Variants in PLPP4 observed in about 807,000 individuals in gnomAD.
The protein encoded by PLPP4 is phospholipid phosphatase 4.
PLPP4 carries 20 observed loss-of-function variants against 32.2 expected under a neutral mutation model. That is an observed-to-expected ratio of 0.62 (90% CI 0.44 to 0.90). The LOEUF (loss-of-function observed/expected upper bound fraction) is 0.90, where lower values mean the gene tolerates loss of function less well. Among genes scored for constraint, PLPP4 ranks in the 40% least tolerant of loss-of-function variants. The probability of loss-of-function intolerance (pLI) is 0.00; values close to 1 mark genes in which losing one functional copy is unlikely to be tolerated. For missense variants in PLPP4, 257 were observed against 353.1 expected (o/e 0.73, Z 2.18); for synonymous variants, 127 against 133.0 (o/e 0.95, Z 0.31).
chr10:120,488,919 C>G (rs1184627408), intron 1 of PLPP4, among the ~76,000 whole-genome samples: 1 of 152,208 alleles, frequency 6.6e-6, no homozygotes, highest in Non-Finnish European at 1.5e-5. Context: ...GCTTCCCTCT[C>G]TGGAAATTGG....
At chr10:120,463,175 C>A (rs548189481) in intron 1 of PLPP4, among the ~76,000 whole-genome samples, 1 of 151,794 alleles carries the variant, frequency 6.6e-6, no homozygotes, top group Non-Finnish European at 1.5e-5. Flanking sequence ...TACAGGTGCC[C>A]GCCACCACGC....
At chr10:120,474,758 A>C (rs756731429) in intron 1 of PLPP4, among the ~76,000 whole-genome samples, 4 of 152,252 alleles carry the variant, frequency 2.6e-5, no homozygotes, top group Non-Finnish European at 5.9e-5. Flanking sequence ...TGATGAGAAC[A>C]ATGATAGTAA....
At chr10:120,563,178 G>A (rs1185097847) in intron 5 of PLPP4, among the ~76,000 whole-genome samples, 6 of 152,312 alleles carry the variant, frequency 3.9e-5, no homozygotes, top group Admixed American at 1.3e-4. Context: ...GGCAGAGGTC[G>A]CGGTGTGCGG....
At chr10:120,515,497 C>G (rs1392455581) in intron 3 of PLPP4, among the ~76,000 whole-genome samples, 1 of 152,186 alleles carries the variant, frequency 6.6e-6, no homozygotes, top group Non-Finnish European at 1.5e-5. Context: ...ACTTCCTAGA[C>G]AGAGTCTCTG....
At chr10:120,472,001 A>G (rs1053109816) in intron 1 of PLPP4, among the ~76,000 whole-genome samples, 3 of 152,092 alleles carry the variant, frequency 2.0e-5, no homozygotes, top group Admixed American at 1.3e-4. Context: ...TGTAAAAATC[A>G]TATGACAGCA....
chr10:120,503,922 T>C lies in PLPP4; in HGVS notation c.161T>C (p.Met54Thr), dbSNP rs771152391. Reference protein sequence around the residue: ...VQSDNIPTRLMFAISFLTPLA... With the variant: ...VQSDNIPTRLTFAISFLTPLA... ...TCAGATAACATACCTACCCGCCTCA[T>C]GTTTGTAAGTACCATGATTTCATTC... Residue 54 changes from methionine to threonine, a missense_variant, in exon 2 of 7, where the codon ATG (methionine) becomes ACG (threonine). Met to Thr is a moderately conservative substitution (Grantham distance 81). Transcript: ENST00000398250. 6.3e-7 allele frequency: 1 copy of C among 1,578,132 alleles called. No individual in the cohort carries two copies. The highest frequency in any genetic ancestry group is 1.1e-5 in the South Asian group (1 of 90,200).
At chr10:120,493,923 T>C (rs894454602) in intron 1 of PLPP4, among the ~76,000 whole-genome samples, 2 of 151,998 alleles carry the variant, frequency 1.3e-5, no homozygotes, top group African/African-American at 4.8e-5. Context: ...GCAGGCTTTG[T>C]AGTGTATCAG....
chr10:120,571,958 G>A (rs1564848146), intron 5 of PLPP4, among the ~76,000 whole-genome samples: 1 of 152,160 alleles, frequency 6.6e-6, no homozygotes, highest in Non-Finnish European at 1.5e-5. Flanking sequence ...GCCTCATTGT[G>A]TAACTTAGGA....
chr10:120,535,232 C>T (rs1237053422), intron 5 of PLPP4, among the ~76,000 whole-genome samples: 1 of 152,060 alleles, frequency 6.6e-6, no homozygotes, highest in Non-Finnish European at 1.5e-5. Flanking sequence ...TTTCCTTTAT[C>T]TGTGGGCTAT....
chr10:120,496,116 G>T (rs1156379272), intron 1 of PLPP4, among the ~76,000 whole-genome samples: 1 of 152,214 alleles, frequency 6.6e-6, no homozygotes, highest in African/African-American at 2.4e-5. Flanking sequence ...GATGAAGTCT[G>T]TCATCCTAGT....
intron 5 of PLPP4, among the ~76,000 whole-genome samples, chr10:120,528,417 T>A (rs995677626): frequency 6.6e-6 from 1 of 152,196 alleles, no homozygotes; most frequent in South Asian, 2.1e-4. Flanking sequence ...TGGCATGGGC[T>A]GCTTAGGTCA....
intron 5 of PLPP4, among the ~76,000 whole-genome samples, chr10:120,528,541 A>T (rs1284758496): frequency 6.6e-6 from 1 of 152,208 alleles, no homozygotes; most frequent in African/African-American, 2.4e-5. Context: ...GTCAAGGGGT[A>T]TCAGCGAACT....
At chr10:120,534,661 G>A (rs1375085590) in intron 5 of PLPP4, among the ~76,000 whole-genome samples, 2 of 151,814 alleles carry the variant, frequency 1.3e-5, no homozygotes, top group African/African-American at 2.4e-5. Flanking sequence ...TTATTGGATT[G>A]GAAAATCGCT....
chr10:120,494,593 G>A (rs948952455), intron 1 of PLPP4, among the ~76,000 whole-genome samples: 2 of 152,210 alleles, frequency 1.3e-5, no homozygotes, highest in African/African-American at 2.4e-5. Context: ...CCCAAGAGGG[G>A]GTGGTAATTC....
intron 5 of PLPP4, among the ~76,000 whole-genome samples, chr10:120,526,636 T>C (rs1846404753): frequency 6.6e-6 from 1 of 152,220 alleles, no homozygotes; most frequent in Non-Finnish European, 1.5e-5. Flanking sequence ...TGTTCAGGCA[T>C]GCCCTCTACT....
At chr10:120,509,183 G>A (rs1845624880) in intron 2 of PLPP4, among the ~76,000 whole-genome samples, 1 of 152,226 alleles carries the variant, frequency 6.6e-6, no homozygotes, top group Admixed American at 6.5e-5. Flanking sequence ...CACCTAATCA[G>A]CATTCCATAA....
intron 5 of PLPP4, among the ~76,000 whole-genome samples, chr10:120,526,426 A>T (rs1428195416): frequency 1.3e-5 from 2 of 152,046 alleles, no homozygotes; most frequent in African/African-American, 4.8e-5. Context: ...GACTGGTGTG[A>T]GCTGGGTTTT....
chr10:120,558,687 G>C (rs1038616848), intron 5 of PLPP4, among the ~76,000 whole-genome samples: 1 of 152,052 alleles, frequency 6.6e-6, no homozygotes, highest in African/African-American at 2.4e-5. Flanking sequence ...AAAGTGCTGG[G>C]ATTATAGGTG....
At chr10:120,472,756 C>T (rs1282247441) in intron 1 of PLPP4, among the ~76,000 whole-genome samples, 1 of 152,036 alleles carries the variant, frequency 6.6e-6, no homozygotes, top group Non-Finnish European at 1.5e-5. Flanking sequence ...TCCTACAGAT[C>T]TTGGATGCTC....
Sources: gnomAD v4.1 joint callset for allele counts (sites outside exome capture counted in the v4.1 genomes callset) on GRCh38, gnomAD v4.1.1 for gene constraint, MANE v1.5 for transcripts, NCBI Gene and HGNC (gene_info 2026-07-23, HGNC 2026-07-21) for gene names.